The following MRC1 variants were observed in gnomAD, a reference collection of about 807,000 sequenced individuals.
MRC1 encodes the protein macrophage mannose receptor 1.
A neutral mutation model predicts 102.9 loss-of-function variants in MRC1; 62 were observed. The observed-to-expected ratio is 0.60, with a 90% CI of 0.49 to 0.74. The LOEUF (loss-of-function observed/expected upper bound fraction) is 0.74, where lower values mean the gene tolerates loss of function less well. MRC1 is among the 30% of genes least tolerant of loss of function. MRC1 has a pLI of 0.00. For synonymous variants in MRC1, 457 were observed against 298.4 expected (o/e 1.53, Z -5.48); for missense variants, 1,237 against 862.8 (o/e 1.43, Z -5.43).
chr10:17,855,213 T>C lies in MRC1; in HGVS notation c.1408-1029T>C, dbSNP rs1162742703. 2.0e-5 allele frequency among the ~76,000 whole-genome samples: 3 copies of C among 151,976 alleles called. No homozygotes were observed. The East Asian group carries it at 5.8e-4, about 30-fold the overall frequency. ...AGTTGGTGTGTTGGGTGCAGGAGAT[T>C]TTTCTGGATGGCGTATATGAACTTG... is the stretch of plus-strand genomic sequence containing the variant. On this transcript the variant is annotated intron_variant, in intron 8 of 29. Coordinates refer to ENST00000569591, the MANE Select transcript of MRC1 (RefSeq NM_002438.4).
intron 8 of MRC1, 121 bp from the exon 9 acceptor site, chr10:17,856,121 G>T: frequency 7.2e-6 from 5 of 696,162 alleles, no homozygotes; most frequent in Non-Finnish European, 1.0e-5. Context: ...CATGAGCCAA[G>T]ATCGCGCCAC....
At chr10:17,875,984 T>C (rs1384450223) in intron 17 of MRC1, among the ~76,000 whole-genome samples, 1 of 152,216 alleles carries the variant, frequency 6.6e-6, no homozygotes, top group Non-Finnish European at 1.5e-5. Context: ...GGTGTCACAT[T>C]GTGATTTTGA....
Position 17,809,428 on chromosome 10 carries a change from C to G in MRC1, c.-38C>G. On this transcript the variant is annotated 5_prime_UTR_variant, in exon 1 of 30. Transcript: ENST00000569591. ...TTGTTTTGCGTCTTAGTTCCGCCCTCCTGTCCATCAGGAGAAGGAAAGGAT... is the reference window on the plus strand; with the variant it reads ...TTGTTTTGCGTCTTAGTTCCGCCCTGCTGTCCATCAGGAGAAGGAAAGGAT... 1.1e-6 allele frequency: 1 copy of G among 872,564 alleles called. No individual in the cohort carries two copies. The highest frequency in any genetic ancestry group is 2.4e-5 in the East Asian group (1 of 41,698). The allele number at this position is 872,564 out of a possible 1,614,324, so 54.1% of individuals were successfully genotyped here. A position where few individuals can be genotyped will look rare whatever the true frequency, so the allele number is the denominator to read the frequency against.
At chr10:17,818,131 T>C (rs1460372091) in intron 1 of MRC1, among the ~76,000 whole-genome samples, 1 of 152,244 alleles carries the variant, frequency 6.6e-6, no homozygotes, top group African/African-American at 2.4e-5. Flanking sequence ...AGTACCCTTT[T>C]TGTAAGTATA....
intron 9 of MRC1, among the ~76,000 whole-genome samples, chr10:17,860,547 G>A (rs1253496510): frequency 1.3e-5 from 2 of 152,166 alleles, no homozygotes; most frequent in African/African-American, 4.8e-5. Context: ...CAAAGTGCTG[G>A]CGTTACAGGC....
chr10:17,812,826 C>T (rs1414877454), intron 1 of MRC1, among the ~76,000 whole-genome samples: 1 of 152,092 alleles, frequency 6.6e-6, no homozygotes, highest in Non-Finnish European at 1.5e-5. Flanking sequence ...CCACCTTAGC[C>T]TCCCAAAGTG....
chr10:17,860,045 A>G (rs1833159780), intron 9 of MRC1, among the ~76,000 whole-genome samples: 1 of 152,102 alleles, frequency 6.6e-6, no homozygotes, highest in Non-Finnish European at 1.5e-5. Flanking sequence ...CCCTGCCTCA[A>G]GTGAGACAAA....
In MRC1 at chr10:17,870,904, C is replaced by T; in HGVS notation, c.2168C>T (p.Ser723Leu). The change falls in exon 14 of 30, where the codon TCA becomes TTA. Residue 723 changes from serine to leucine, a missense_variant. Coordinates refer to ENST00000569591, the MANE Select transcript of MRC1 (RefSeq NM_002438.4). ...FWLGLTYGSP[S>L]EGFTWSDGSP... is the part of the protein sequence containing the mutation. ...TTGGGATTGACATATGGAAGCCCTT[C>T]AGAAGGTTTTACTTGGAGTGATGGT... 1.1e-6 allele frequency: 1 copy of T among 872,382 alleles called. No individual in the cohort carries two copies. The highest frequency in any genetic ancestry group is 1.7e-5 in the Admixed American group (1 of 59,180). 54.0% of individuals were successfully genotyped at this position (872,382 alleles called of 1,614,324 possible).
intron 3 of MRC1, among the ~76,000 whole-genome samples, chr10:17,831,588 A>G (rs1417099460): frequency 1.3e-5 from 2 of 150,130 alleles, no homozygotes; most frequent in Non-Finnish European, 2.9e-5. Context: ...AAGAGTTACA[A>G]GAGTGTAGGC....
chr10:17,874,203 A>G (rs1833394205), intron 16 of MRC1, among the ~76,000 whole-genome samples: 1 of 152,200 alleles, frequency 6.6e-6, no homozygotes, highest in African/African-American at 2.4e-5. Flanking sequence ...CACTGGGCCA[A>G]AATCCAGATG....
chr10:17,824,211 C>T (rs919705732), intron 2 of MRC1, among the ~76,000 whole-genome samples: 71 of 152,250 alleles, frequency 4.7e-4, no homozygotes, highest in African/African-American at 1.6e-3. Flanking sequence ...GGTGGCTGCA[C>T]AGAAAACAAA....
rs1838310548 is a variant in MRC1, at chr10:17,816,248, A to T, written c.61+6722A>T. The stretch of plus-strand genomic sequence containing the variant: ...ATTTATTTAACTGAGGCTGGTGAAC[A>T]TATTTCTTAGTTTGGATTCCCCAAG... On this transcript the variant is annotated intron_variant, in intron 1 of 29. Transcript: ENST00000569591. 1.3e-5 allele frequency among the ~76,000 whole-genome samples: 2 copies of T among 152,198 alleles called. 1 individual carries two copies. The highest frequency in any genetic ancestry group is 4.1e-4 in the South Asian group (2 of 4,832).
chr10:17,854,002 C>T (rs1031312826), intron 8 of MRC1, among the ~76,000 whole-genome samples: 1 of 152,150 alleles, frequency 6.6e-6, no homozygotes, highest in African/African-American at 2.4e-5. Context: ...GAGTCTTGCT[C>T]TGTCACCCAG....
At chr10:17,812,213 C>T (rs1838234227) in intron 1 of MRC1, among the ~76,000 whole-genome samples, 1 of 152,166 alleles carries the variant, frequency 6.6e-6, no homozygotes, top group African/African-American at 2.4e-5. Context: ...GGGCTAGACG[C>T]TCACCTTTCC....
intron 6 of MRC1, among the ~76,000 whole-genome samples, chr10:17,847,025 A>C (rs1181574830): frequency 1.3e-5 from 2 of 152,232 alleles, no homozygotes; most frequent in Non-Finnish European, 2.9e-5. Context: ...AAATAGATAT[A>C]GATGCGGGAC....
chr10:17,843,563 G>T (rs1380396189), intron 5 of MRC1, among the ~76,000 whole-genome samples: 1 of 152,046 alleles, frequency 6.6e-6, no homozygotes, highest in African/African-American at 2.4e-5. Context: ...TACTCAGGAG[G>T]CTGAGGCAGA....
rs1043520722 is a variant in MRC1, at chr10:17,874,397, C to T, written c.2386+572C>T. On this transcript the variant is annotated intron_variant, in intron 16 of 29. Coordinates refer to ENST00000569591, the MANE Select transcript of MRC1 (RefSeq NM_002438.4). ...CTTCTCTTGTAGTCAAATCTCCCTCCGCCCCTCTGCATAAGGATACTTGTT... is the reference window on the plus strand; with the variant it reads ...CTTCTCTTGTAGTCAAATCTCCCTCTGCCCCTCTGCATAAGGATACTTGTT... Among the ~76,000 whole-genome samples the T allele has an allele frequency of 5.5e-4, 83 of 152,244 alleles. 1 individual carries two copies. Among genetic ancestry groups the T allele is most frequent in the African/African-American group, 1.9e-3 (80 of 41,540 alleles).
intron 24 of MRC1, among the ~76,000 whole-genome samples, chr10:17,900,086 G>C (rs1222551197): frequency 1.5e-5 from 2 of 132,884 alleles, no homozygotes; most frequent in African/African-American, 5.9e-5. Flanking sequence ...GGACAAGAGC[G>C]AGACTTCTCT....
intron 24 of MRC1, among the ~76,000 whole-genome samples, chr10:17,898,872 T>TC (rs1315290009): frequency 6.6e-6 from 1 of 152,170 alleles, no homozygotes. Context: ...GCATCTGTCC[T>TC]CCCTCTATTC....
Sources: gnomAD v4.1 joint callset for allele counts (sites outside exome capture counted in the v4.1 genomes callset) on GRCh38, gnomAD v4.1.1 for gene constraint, MANE v1.5 for transcripts, NCBI Gene and HGNC (gene_info 2026-07-23, HGNC 2026-07-21) for gene names.